DGKB: variants seen among roughly 807,000 people sequenced by gnomAD.
DGKB encodes 90 kDa diacylglycerol kinase.
DGKB carries 67 observed loss-of-function variants against 114.3 expected under a neutral mutation model. The observed-to-expected ratio is 0.59, with a 90% CI of 0.48 to 0.72. DGKB has a LOEUF of 0.72. Among genes scored for constraint, DGKB ranks in the 30% least tolerant of loss-of-function variants. DGKB has a pLI of 0.00. For synonymous variants in DGKB, 398 were observed against 323.1 expected (o/e 1.23, Z -2.49); for missense variants, 907 against 975.2 (o/e 0.93, Z 0.93).
intron 3 of DGKB, among the ~76,000 whole-genome samples, chr7:14,756,022 CA>C (rs1228227760): frequency 1.3e-5 from 2 of 151,954 alleles, no homozygotes; most frequent in Non-Finnish European, 2.9e-5. Context: ...AAAAATGCAG[CA>C]TATGGTGACT....
chr7:14,604,550 C>G (rs1476466651), intron 17 of DGKB, among the ~76,000 whole-genome samples: 1 of 151,956 alleles, frequency 6.6e-6, no homozygotes, highest in African/African-American at 2.4e-5. Flanking sequence ...ATTCAAAAAC[C>G]TATTGTTAGC....
chr7:14,883,088 C>A (rs1854485938), intron 1 of DGKB, among the ~76,000 whole-genome samples: 1 of 151,506 alleles, frequency 6.6e-6, no homozygotes, highest in Non-Finnish European at 1.5e-5. Context: ...GCATGCTTTC[C>A]AGAAAAAATG....
intron 20 of DGKB, among the ~76,000 whole-genome samples, chr7:14,507,385 G>C (rs1157051497): frequency 6.6e-6 from 1 of 152,070 alleles, no homozygotes; most frequent in African/African-American, 2.4e-5. Flanking sequence ...TGAGCATACT[G>C]TCAGAAATGC....
chr7:14,335,072 C>T (rs12113518), intron 23 of DGKB, among the ~76,000 whole-genome samples: 1,779 of 152,214 alleles, frequency 0.012, 29 homozygotes, highest in African/African-American at 0.041. Context: ...ATTTTGTCAA[C>T]TCTAAAGTAA....
intron 23 of DGKB, among the ~76,000 whole-genome samples, chr7:14,185,661 A>C (rs1319086897): frequency 6.6e-6 from 1 of 152,244 alleles, no homozygotes; most frequent in Non-Finnish European, 1.5e-5. Context: ...TACTGGTACA[A>C]AAACAGGCAC....
intron 2 of DGKB, among the ~76,000 whole-genome samples, chr7:14,761,167 T>A (rs1433277760): frequency 6.6e-6 from 1 of 152,190 alleles, no homozygotes; most frequent in South Asian, 2.1e-4. Context: ...TGGAGCATTA[T>A]CTTGTTTTTG....
intron 5 of DGKB, among the ~76,000 whole-genome samples, chr7:14,729,020 A>G (rs1228093655): frequency 6.7e-6 from 1 of 150,208 alleles, no homozygotes; most frequent in African/African-American, 2.5e-5. Context: ...TTTTGTATAC[A>G]TTTTTGCCAA....
At chr7:14,413,083 T>C (rs1825150542) in intron 21 of DGKB, among the ~76,000 whole-genome samples, 1 of 151,742 alleles carries the variant, frequency 6.6e-6, no homozygotes, top group Non-Finnish European at 1.5e-5. Context: ...TGAAATGGAA[T>C]GAAGTGATGG....
intron 21 of DGKB, among the ~76,000 whole-genome samples, chr7:14,349,899 A>G (rs1167579115): frequency 6.6e-6 from 1 of 152,158 alleles, no homozygotes; most frequent in Non-Finnish European, 1.5e-5. Context: ...CATTTAACCT[A>G]TTGTGAAATG....
chr7:14,172,170 C>T (rs1195170423), intron 25 of DGKB, among the ~76,000 whole-genome samples: 3 of 152,000 alleles, frequency 2.0e-5, no homozygotes, highest in African/African-American at 7.3e-5. Flanking sequence ...GAGGGAAGCG[C>T]ATGAAAAGAC....
At chr7:14,921,496 G>T (rs1054795224) in intron 1 of DGKB, among the ~76,000 whole-genome samples, 1 of 152,116 alleles carries the variant, frequency 6.6e-6, no homozygotes. Context: ...TAAGTTGTTT[G>T]TGTATCACAG....
chr7:14,953,761 T>A (rs2128261761), intron 1 of DGKB, among the ~76,000 whole-genome samples: 1 of 152,210 alleles, frequency 6.6e-6, no homozygotes, highest in South Asian at 2.1e-4. Context: ...CATAGTAACA[T>A]TATTCATACT....
At chr7:14,701,206 T>C (rs904921196) in intron 7 of DGKB, among the ~76,000 whole-genome samples, 5 of 152,162 alleles carry the variant, frequency 3.3e-5, no homozygotes, top group Non-Finnish European at 7.4e-5. Flanking sequence ...TGTAAATACA[T>C]TTACCTATTT....
At chr7:14,178,409 CCAAAAA>C (rs1562544277) in intron 23 of DGKB, among the ~76,000 whole-genome samples, 1 of 95,258 alleles carries the variant, frequency 1.0e-5, no homozygotes, top group Admixed American at 1.1e-4. Context: ...CCAAATAATA[CCAAAAA>C]AAAAAAAAAA....
At chr7:14,444,599 T>C (rs189132541) in intron 21 of DGKB, among the ~76,000 whole-genome samples, 2 of 151,968 alleles carry the variant, frequency 1.3e-5, no homozygotes, top group East Asian at 1.9e-4. Context: ...AAATATAAAA[T>C]AGTAACAATA....
chr7:14,449,806 G>C (rs1252871136), intron 21 of DGKB, among the ~76,000 whole-genome samples: 5 of 152,034 alleles, frequency 3.3e-5, no homozygotes, highest in East Asian at 1.9e-4. Context: ...AGCTTTAAAA[G>C]AATAAGAGCA....
intron 20 of DGKB, among the ~76,000 whole-genome samples, chr7:14,559,939 C>T (rs975565572): frequency 1.3e-5 from 2 of 150,526 alleles, no homozygotes; most frequent in African/African-American, 4.9e-5. Context: ...CTCCCTTCCT[C>T]TCTTCCTCTC....
At chr7:14,966,567 G>A (rs566794708) in intron 1 of DGKB, among the ~76,000 whole-genome samples, 19 of 152,114 alleles carry the variant, frequency 1.2e-4, no homozygotes, top group African/African-American at 3.6e-4. Flanking sequence ...GCGTCCTAAC[G>A]TGCTGAGATT....
intron 23 of DGKB, among the ~76,000 whole-genome samples, chr7:14,317,588 G>A (rs1386453777): frequency 6.7e-6 from 1 of 148,608 alleles, no homozygotes; most frequent in Non-Finnish European, 1.5e-5. Context: ...GGGATGTGAA[G>A]GACCTCTTCA....
Sources: allele counts gnomAD v4.1 joint callset (sites outside exome capture counted in the v4.1 genomes callset), GRCh38; gene constraint gnomAD v4.1.1; transcripts MANE v1.5; gene names NCBI Gene and HGNC (gene_info 2026-07-23, HGNC 2026-07-21).